The following FSTL5 variants were observed in gnomAD, a reference collection of about 807,000 sequenced individuals.
FSTL5 encodes follistatin-related protein 5.
FSTL5 carries 62 observed loss-of-function variants against 89.1 expected under a neutral mutation model. The ratio of observed to expected loss-of-function variants is 0.70; its 90% CI spans 0.57 to 0.86. The LOEUF is 0.86. Among genes scored for constraint, FSTL5 ranks in the 40% least tolerant of loss-of-function variants. FSTL5 has a pLI of 0.00. For missense variants in FSTL5, 1,057 were observed against 1,001.6 expected, an observed-to-expected ratio of 1.06 and a Z score of -0.75; for synonymous variants, 383 against 346.2, an observed-to-expected ratio of 1.11 and a Z score of -1.18.
rs1306940644 is a variant in FSTL5, at chr4:161,929,219, T to A, written c.161-8567A>T. Among the ~76,000 whole-genome samples the A allele has an allele frequency of 2.7e-5, 4 of 147,344 alleles. No individual in the cohort carries two copies. The Admixed American group carries it at 2.8e-4, about 10-fold the overall frequency. On this transcript the variant is annotated intron_variant, in intron 3 of 15. Transcript: ENST00000306100. ...TCAGCACCATTTGTTGACAAGAATA[T>A]CCTTTCTTCATTTAATTAGCTTTGC... is the stretch of plus-strand genomic sequence containing the variant.
intron 2 of FSTL5, among the ~76,000 whole-genome samples, chr4:162,083,971 C>T (rs1236596998): frequency 6.6e-6 from 1 of 151,610 alleles, no homozygotes; most frequent in Non-Finnish European, 1.5e-5. Context: ...AACAATAAAT[C>T]ATTTTATAAT....
chr4:161,921,364 A>G (rs1733991164), intron 3 of FSTL5, among the ~76,000 whole-genome samples: 2 of 152,140 alleles, frequency 1.3e-5, no homozygotes, highest in Admixed American at 1.3e-4. Context: ...AATTTGCATC[A>G]GAAAAGTTTA....
chr4:161,733,317 T>A lies in FSTL5; in HGVS notation c.727+26094A>T, dbSNP rs920760927. Among the ~76,000 whole-genome samples, 9 of 152,206 alleles carry A rather than the reference T, an allele frequency of 5.9e-5. No individual in the cohort carries two copies. In the South Asian group the frequency reaches 1.0e-3, roughly 18 times the overall value. On this transcript the variant is annotated intron_variant, in intron 6 of 15. Coordinates refer to ENST00000306100, the MANE Select transcript of FSTL5 (RefSeq NM_020116.5). ...GTTGTTTGTTGACAGTTTATAGAAA[T>A]CAATTGATGTTTGTATTGACATTAT...
At chr4:161,500,726 T>C (rs1430506489) in intron 11 of FSTL5, among the ~76,000 whole-genome samples, 4 of 152,148 alleles carry the variant, frequency 2.6e-5, no homozygotes, top group Non-Finnish European at 5.9e-5. Context: ...CAAAACAAAT[T>C]AAGGTATCTG....
At chr4:161,661,852 C>T (rs1357908135) in intron 6 of FSTL5, among the ~76,000 whole-genome samples, 1 of 152,140 alleles carries the variant, frequency 6.6e-6, no homozygotes, top group Non-Finnish European at 1.5e-5. Flanking sequence ...AGTGACACCA[C>T]AGCAAACAAA....
At chr4:161,773,505 A>G (rs1741283401) in intron 5 of FSTL5, among the ~76,000 whole-genome samples, 2 of 152,182 alleles carry the variant, frequency 1.3e-5, no homozygotes, top group Admixed American at 1.3e-4. Flanking sequence ...CAAGAAAAAA[A>G]CAAAAAATTT....
chr4:161,972,325 C>T (rs1735506961), intron 3 of FSTL5, among the ~76,000 whole-genome samples: 2 of 152,150 alleles, frequency 1.3e-5, no homozygotes, highest in Admixed American at 1.3e-4. Flanking sequence ...CCACATGTCT[C>T]GGCCTCCTAA....
chr4:161,919,588 A>G (rs1733935704), intron 4 of FSTL5, among the ~76,000 whole-genome samples: 1 of 152,198 alleles, frequency 6.6e-6, no homozygotes, highest in Non-Finnish European at 1.5e-5. Context: ...ATATTCTGAG[A>G]AACTGGGACT....
At chr4:161,543,862 A>G (rs1731916006) in intron 8 of FSTL5, among the ~76,000 whole-genome samples, 1 of 152,066 alleles carries the variant, frequency 6.6e-6, no homozygotes, top group Admixed American at 6.6e-5. Flanking sequence ...TTTCTTCTAG[A>G]TATGACCCCA....
chr4:161,521,038 A>G (rs1357653975), intron 10 of FSTL5, among the ~76,000 whole-genome samples: 1 of 152,194 alleles, frequency 6.6e-6, no homozygotes, highest in African/African-American at 2.4e-5. Flanking sequence ...CTTACTCAAA[A>G]AACATTAATA....
chr4:161,587,333 G>A lies in FSTL5; in HGVS notation c.1015+122C>T. Reference sequence around the variant, plus strand: ...TACTTAAAAAACTTTTACATTATCAGTTGAGTCTCAAAACTTGAAATATTA... The same window carrying A: ...TACTTAAAAAACTTTTACATTATCAATTGAGTCTCAAAACTTGAAATATTA... On this transcript the variant is annotated intron_variant, in intron 8 of 15. Transcript: ENST00000306100. The A allele has an allele frequency of 3.8e-6, 3 of 789,204 alleles. No individual in the cohort carries two copies. The Admixed American group carries it at 7.4e-5, about 20-fold the overall frequency. 48.9% of individuals were successfully genotyped at this position (789,204 alleles called of 1,614,324 possible).
intron 4 of FSTL5, among the ~76,000 whole-genome samples, chr4:161,856,227 G>C (rs1731716284): frequency 6.6e-6 from 1 of 152,000 alleles, no homozygotes; most frequent in Non-Finnish European, 1.5e-5. Context: ...AAGATCACTT[G>C]GGCTTAATTT....
At chr4:161,940,816 GA>G (rs956865290) in intron 3 of FSTL5, among the ~76,000 whole-genome samples, 5 of 150,280 alleles carry the variant, frequency 3.3e-5, no homozygotes, top group African/African-American at 4.8e-5. Context: ...AAAGCAACAT[GA>G]AAAAAACAAA....
chr4:161,591,576 T>A (rs1274407153), intron 7 of FSTL5, among the ~76,000 whole-genome samples: 5 of 152,192 alleles, frequency 3.3e-5, no homozygotes, highest in African/African-American at 1.2e-4. Context: ...TAATGAAATC[T>A]TTTGTGAGTA....
At chr4:161,390,984 A>G (rs1304556131) in intron 15 of FSTL5, among the ~76,000 whole-genome samples, 1 of 152,154 alleles carries the variant, frequency 6.6e-6, no homozygotes, top group African/African-American at 2.4e-5. Context: ...ACACCACCTC[A>G]GATTTCAAAA....
intron 15 of FSTL5, among the ~76,000 whole-genome samples, chr4:161,436,244 T>A (rs1221390870): frequency 2.0e-5 from 3 of 152,178 alleles, no homozygotes; most frequent in African/African-American, 7.2e-5. Context: ...CAACTACTCA[T>A]GGTAGCCTTT....
At chr4:161,833,092 G>C (rs1280027142) in intron 4 of FSTL5, among the ~76,000 whole-genome samples, 1 of 148,872 alleles carries the variant, frequency 6.7e-6, no homozygotes, top group Non-Finnish European at 1.5e-5. Context: ...CTTTGTTCTC[G>C]TTGGTTTCAA....
intron 4 of FSTL5, among the ~76,000 whole-genome samples, chr4:161,855,707 C>T (rs1045045343): frequency 6.6e-5 from 10 of 152,094 alleles, no homozygotes; most frequent in African/African-American, 2.2e-4. Context: ...GAGTGTAATA[C>T]AGTGCTATTA....
intron 3 of FSTL5, among the ~76,000 whole-genome samples, chr4:161,982,989 G>A (rs1307800043): frequency 6.6e-6 from 1 of 152,078 alleles, no homozygotes; most frequent in Non-Finnish European, 1.5e-5. Flanking sequence ...CCCACATGCT[G>A]TACTTTGTTA....
Sources: gnomAD v4.1 joint callset for allele counts (sites outside exome capture counted in the v4.1 genomes callset) on GRCh38, gnomAD v4.1.1 for gene constraint, MANE v1.5 for transcripts, NCBI Gene and HGNC (gene_info 2026-07-23, HGNC 2026-07-21) for gene names.